ANKRD30BL: variants seen among roughly 807,000 people sequenced by gnomAD.
ANKRD30BL encodes putative ankyrin repeat domain-containing protein 30B-like.
ANKRD30BL carries 20 observed loss-of-function variants against 18.4 expected under a neutral mutation model. That is an observed-to-expected ratio of 1.09 (90% confidence interval 0.77 to 1.58). The LOEUF (loss-of-function observed/expected upper bound fraction) is 1.58. Among genes scored for constraint, ANKRD30BL ranks in the 40% most tolerant of loss-of-function variants. The pLI, the probability that ANKRD30BL is intolerant of heterozygous loss-of-function variation, is 0.00. For synonymous variants in ANKRD30BL, 72 were observed against 100.9 expected, an observed-to-expected ratio of 0.71 and a Z score of 1.72; for missense variants, 224 against 268.6, an observed-to-expected ratio of 0.83 and a Z score of 1.16.
intron 1 of ANKRD30BL, among the ~76,000 whole-genome samples, chr2:132,236,766 C>G (rs1680162655): frequency 6.6e-6 from 1 of 152,026 alleles, no homozygotes; most frequent in South Asian, 2.1e-4. Context: ...CCAGCCATCC[C>G]ATTACTGGGT....
chr2:132,161,173 A>C (rs539809908), intron 1 of ANKRD30BL, among the ~76,000 whole-genome samples: 70 of 151,024 alleles, frequency 4.6e-4, no homozygotes, highest in Admixed American at 8.6e-4. Flanking sequence ...TTAATTTTAT[A>C]AGTTAAATCA....
chr2:132,205,194 C>A (rs1573839198), intron 1 of ANKRD30BL, among the ~76,000 whole-genome samples: 1 of 152,198 alleles, frequency 6.6e-6, no homozygotes. Context: ...TCCAAGAATA[C>A]ATTTCAGGAA....
intron 1 of ANKRD30BL, among the ~76,000 whole-genome samples, chr2:132,211,260 T>A (rs796706738): frequency 3.9e-5 from 6 of 152,080 alleles, no homozygotes; most frequent in African/African-American, 1.2e-4. Context: ...TCTGAGAAAC[T>A]TCTTTGGGGT....
At chr2:132,220,602 G>A (rs893787019) in intron 1 of ANKRD30BL, among the ~76,000 whole-genome samples, 9 of 152,100 alleles carry the variant, frequency 5.9e-5, no homozygotes, top group African/African-American at 9.7e-5. Context: ...CTAACCGCGA[G>A]TGATCCGCCA....
At chr2:132,203,011 A>G (rs1679138277) in intron 1 of ANKRD30BL, among the ~76,000 whole-genome samples, 1 of 152,268 alleles carries the variant, frequency 6.6e-6, no homozygotes, top group Non-Finnish European at 1.5e-5. Context: ...ATTAACAGTC[A>G]GTTCATAATG....
At chr2:132,242,990 C>T (rs62163999) in intron 1 of ANKRD30BL, among the ~76,000 whole-genome samples, 13 of 150,768 alleles carry the variant, frequency 8.6e-5, no homozygotes. Flanking sequence ...AAACACTCTT[C>T]TTGTAGTATT....
intron 1 of ANKRD30BL, among the ~76,000 whole-genome samples, chr2:132,218,561 C>A (rs1451715069): frequency 6.6e-6 from 1 of 152,272 alleles, no homozygotes; most frequent in East Asian, 1.9e-4. Context: ...AGGTTTGAAA[C>A]ACTCTTTTTG....
intron 1 of ANKRD30BL, among the ~76,000 whole-genome samples, chr2:132,160,401 C>CTTT (rs33924872): frequency 0.079 from 7,731 of 97,370 alleles, 899 homozygotes; most frequent in African/African-American, 0.24. Flanking sequence ...ACGCCTGGCC[C>CTTT]TTTTTTTTTT....
At chr2:132,217,184 G>A (rs1463038233) in intron 1 of ANKRD30BL, among the ~76,000 whole-genome samples, 3 of 152,138 alleles carry the variant, frequency 2.0e-5, no homozygotes, top group Non-Finnish European at 4.4e-5. Flanking sequence ...TCATAGAGCA[G>A]TTTTGAAACA....
intron 1 of ANKRD30BL, among the ~76,000 whole-genome samples, chr2:132,234,189 G>A (rs924231440): frequency 6.6e-6 from 1 of 152,114 alleles, no homozygotes; most frequent in Non-Finnish European, 1.5e-5. Context: ...TCAAAGCAGG[G>A]TGTAGAGGGA....
intron 1 of ANKRD30BL, among the ~76,000 whole-genome samples, chr2:132,236,736 G>A (rs1219555872): frequency 6.6e-6 from 1 of 152,094 alleles, no homozygotes; most frequent in African/African-American, 2.4e-5. Context: ...AGGGATCTAG[G>A]ACTAGAAATA....
At chr2:132,195,247 A>G (rs1013466868) in intron 1 of ANKRD30BL, among the ~76,000 whole-genome samples, 11 of 152,310 alleles carry the variant, frequency 7.2e-5, no homozygotes, top group African/African-American at 2.6e-4. Flanking sequence ...CAGAAGTGTG[A>G]TTAGTGGTGA....
At chr2:132,236,287 T>C (rs920769341) in intron 1 of ANKRD30BL, among the ~76,000 whole-genome samples, 8 of 152,084 alleles carry the variant, frequency 5.3e-5, no homozygotes, top group African/African-American at 1.9e-4. Flanking sequence ...GGGCAAGGAC[T>C]TCATGTCTAA....
intron 1 of ANKRD30BL, among the ~76,000 whole-genome samples, chr2:132,198,720 C>A (rs1237554043): frequency 6.6e-6 from 1 of 151,672 alleles, no homozygotes; most frequent in South Asian, 2.1e-4. Flanking sequence ...CAGGTTCAAG[C>A]GATTTTCCTG....
upstream of ANKRD30BL, among the ~76,000 whole-genome samples, chr2:132,164,139 T>C (rs148334711): frequency 6.9e-3 from 1,044 of 152,264 alleles, 12 homozygotes; most frequent in African/African-American, 0.023. Flanking sequence ...TATACATTCA[T>C]TCTCTATCAA....
In ANKRD30BL at chr2:132,176,770, G is replaced by A. The variant is rs1237382464; in HGVS notation, n.442-19624C>T. Among the ~76,000 whole-genome samples the A allele has an allele frequency of 2.0e-5, 3 of 152,104 alleles. No homozygotes were observed. The East Asian group carries it at 5.8e-4, about 29-fold the overall frequency. ...GGCACCACTGCATTTCAGTCTGGGG[G>A]ACAGAGTTAGGCTCTGTAAAAAACA... On this transcript the variant is annotated intron_variant and non_coding_transcript_variant, in intron 1 of 4. Transcript: ENST00000470729.
chr2:132,224,158 A>G (rs556641065), intron 1 of ANKRD30BL, among the ~76,000 whole-genome samples: 1 of 152,282 alleles, frequency 6.6e-6, no homozygotes, highest in South Asian at 2.1e-4. Context: ...AGATAGAAGC[A>G]TTCTCAGAAA....
chr2:132,235,013 G>C (rs1680116216), intron 1 of ANKRD30BL, among the ~76,000 whole-genome samples: 1 of 152,146 alleles, frequency 6.6e-6, no homozygotes. Context: ...TCATCCCTGG[G>C]ATGCAAGGCT....
intron 1 of ANKRD30BL, among the ~76,000 whole-genome samples, chr2:132,221,254 C>G (rs945673449): frequency 7.1e-6 from 1 of 141,546 alleles, no homozygotes; most frequent in Non-Finnish European, 1.5e-5. Context: ...CTCCTCTGCC[C>G]GGCCGCCCCT....
Sources: gnomAD v4.1 joint callset for allele counts (sites outside exome capture counted in the v4.1 genomes callset) on GRCh38, gnomAD v4.1.1 for gene constraint, MANE v1.5 for transcripts, NCBI Gene and HGNC (gene_info 2026-07-23, HGNC 2026-07-21) for gene names.